The following LSAMP variants were observed in gnomAD, a reference collection of about 807,000 sequenced individuals.
LSAMP encodes the protein limbic system associated membrane protein.
LSAMP carries 7 observed loss-of-function variants against 38.6 expected under a neutral mutation model. The observed-to-expected ratio is 0.18, with a 90% CI of 0.10 to 0.34. LSAMP has a LOEUF of 0.34. LSAMP is among the 10% of genes least tolerant of loss of function. The pLI, the probability that LSAMP is intolerant of heterozygous loss-of-function variation, is 1.00. For missense variants in LSAMP, 313 were observed against 420.0 expected (o/e 0.75, Z 2.23); for synonymous variants, 154 against 166.8 (o/e 0.92, Z 0.59).
chr3:115,811,731 ATAAT>A (rs1933839306), intron 6 of LSAMP, among the ~76,000 whole-genome samples: 1 of 152,238 alleles, frequency 6.6e-6, no homozygotes, highest in African/African-American at 2.4e-5. Flanking sequence ...CTTTATGTAA[ATAAT>A]AAAAGCAACA....
chr3:116,422,249 A>G (rs923065216), intron 1 of LSAMP, among the ~76,000 whole-genome samples: 2 of 152,246 alleles, frequency 1.3e-5, no homozygotes, highest in East Asian at 3.9e-4. Context: ...AGCCCTTCAT[A>G]GCTGTGGGTT....
At chr3:116,045,966 T>C (rs1237974320) in intron 2 of LSAMP, among the ~76,000 whole-genome samples, 4 of 152,182 alleles carry the variant, frequency 2.6e-5, no homozygotes, top group African/African-American at 9.7e-5. Flanking sequence ...TGCCTAACCT[T>C]GGAATAGAAA....
chr3:116,312,505 T>G (rs980741149), intron 1 of LSAMP, among the ~76,000 whole-genome samples: 1 of 152,226 alleles, frequency 6.6e-6, no homozygotes, highest in Non-Finnish European at 1.5e-5. Flanking sequence ...TTATTTACTC[T>G]CCCCATCTTC....
chr3:116,315,561 T>C (rs1395936860), intron 1 of LSAMP, among the ~76,000 whole-genome samples: 2 of 152,222 alleles, frequency 1.3e-5, no homozygotes, highest in African/African-American at 4.8e-5. Context: ...AGCCTGCCTT[T>C]AAATAATTTA....
At chr3:115,871,099 T>C (rs375482721) in intron 3 of LSAMP, among the ~76,000 whole-genome samples, 8 of 152,228 alleles carry the variant, frequency 5.3e-5, no homozygotes, top group African/African-American at 1.9e-4. Flanking sequence ...GTTGAAAAGA[T>C]TTTCCTCTGA....
chr3:115,955,023 C>G (rs922464268), intron 3 of LSAMP, among the ~76,000 whole-genome samples: 1 of 151,326 alleles, frequency 6.6e-6, no homozygotes, highest in Admixed American at 6.6e-5. Flanking sequence ...GGCGAGATCT[C>G]GGCTCACTGC....
intron 1 of LSAMP, among the ~76,000 whole-genome samples, chr3:116,416,372 T>C (rs2049050132): frequency 2.6e-5 from 4 of 152,152 alleles, no homozygotes; most frequent in South Asian, 2.1e-4. Context: ...GGGAGCACCA[T>C]GATTAGAGTT....
intron 6 of LSAMP, among the ~76,000 whole-genome samples, chr3:115,838,483 TGAGAAAGACTAGG>T (rs1018013357): frequency 6.6e-6 from 1 of 152,212 alleles, no homozygotes; most frequent in Non-Finnish European, 1.5e-5. Flanking sequence ...TATCCCCGTC[TGAGAAAGACTAGG>T]GAGCTGAATC....
intron 3 of LSAMP, among the ~76,000 whole-genome samples, chr3:115,858,540 T>C (rs962200551): frequency 6.6e-6 from 1 of 152,160 alleles, no homozygotes; most frequent in Non-Finnish European, 1.5e-5. Context: ...AAGTATAGCA[T>C]CTCGGTAGAT....
chr3:116,032,923 G>A (rs1940961685), intron 2 of LSAMP, among the ~76,000 whole-genome samples: 1 of 152,152 alleles, frequency 6.6e-6, no homozygotes, highest in Non-Finnish European at 1.5e-5. Context: ...AGAAAGTCTG[G>A]TTAGGTGGGT....
chr3:116,295,193 G>T (rs189130340), intron 1 of LSAMP, among the ~76,000 whole-genome samples: 1 of 152,114 alleles, frequency 6.6e-6, no homozygotes, highest in Admixed American at 6.5e-5. Flanking sequence ...CTACTCGAGG[G>T]GGAATCATAC....
chr3:115,839,349 C>G (rs917870517), intron 6 of LSAMP, among the ~76,000 whole-genome samples: 2 of 147,458 alleles, frequency 1.4e-5, no homozygotes, highest in East Asian at 4.0e-4. Flanking sequence ...CCCTCCCTCT[C>G]TTTTCCTTTC....
intron 1 of LSAMP, among the ~76,000 whole-genome samples, chr3:116,330,610 A>C (rs2047838581): frequency 6.6e-6 from 1 of 152,060 alleles, no homozygotes; most frequent in Non-Finnish European, 1.5e-5. Context: ...AGCATTAATA[A>C]CTAGCACATT....
intron 2 of LSAMP, among the ~76,000 whole-genome samples, chr3:116,040,385 A>G (rs1941142631): frequency 6.6e-6 from 1 of 152,236 alleles, no homozygotes; most frequent in African/African-American, 2.4e-5. Context: ...CAGATAAGCA[A>G]GGAGAAATGA....
intron 6 of LSAMP, among the ~76,000 whole-genome samples, chr3:115,822,971 C>G (rs1267652048): frequency 6.6e-6 from 1 of 152,130 alleles, no homozygotes; most frequent in Non-Finnish European, 1.5e-5. Context: ...GTGTTAATTC[C>G]TTGTTGAATG....
intron 3 of LSAMP, among the ~76,000 whole-genome samples, chr3:116,014,294 G>A (rs1191091366): frequency 6.6e-6 from 1 of 152,092 alleles, no homozygotes; most frequent in East Asian, 1.9e-4. Context: ...TTCCTTGTGT[G>A]TTTACAGAGT....
At chr3:115,838,392 A>T (rs1934866498) in intron 6 of LSAMP, among the ~76,000 whole-genome samples, 1 of 152,244 alleles carries the variant, frequency 6.6e-6, no homozygotes, top group Non-Finnish European at 1.5e-5. Context: ...GTCTGGAAAC[A>T]CAGTCTGTTA....
chr3:116,169,669 T>C (rs1197181969), intron 1 of LSAMP, among the ~76,000 whole-genome samples: 1 of 152,246 alleles, frequency 6.6e-6, no homozygotes, highest in Non-Finnish European at 1.5e-5. Flanking sequence ...GCTCATTTTA[T>C]AAATTCTTCA....
intron 3 of LSAMP, among the ~76,000 whole-genome samples, chr3:115,861,260 G>A (rs566988390): frequency 1.3e-3 from 196 of 147,820 alleles, no homozygotes; most frequent in African/African-American, 4.5e-3. Context: ...GCATAAAATC[G>A]TATGAAAATT....
Sources: allele counts gnomAD v4.1 joint callset (sites outside exome capture counted in the v4.1 genomes callset), GRCh38; gene constraint gnomAD v4.1.1; transcripts MANE v1.5; gene names NCBI Gene and HGNC (gene_info 2026-07-23, HGNC 2026-07-21).